STMN1: variants seen among roughly 807,000 people sequenced by gnomAD.
STMN1 encodes the protein stathmin 1, also known as stathmin.
Under a neutral mutation model 19.7 loss-of-function variants are expected in STMN1, and 3 were observed. The ratio of observed to expected loss-of-function variants is 0.15; its 90% CI spans 0.07 to 0.39. STMN1 has a LOEUF of 0.39. Among genes scored for constraint, STMN1 ranks in the 10% least tolerant of loss-of-function variants. The pLI is 1.00. For missense variants in STMN1, 99 were observed against 176.0 expected (o/e 0.56, Z 2.48); for synonymous variants, 59 against 58.9 (o/e 1.00, Z -0.01).
At chr1:25,892,577 G>A in intron 4 of STMN1, 1 of 984,920 alleles carries the variant, frequency 1.0e-6, no homozygotes, top group Non-Finnish European at 1.2e-6. Context: ...GAGCCGCTGA[G>A]GGTCCCCTCC....
intron 4 of STMN1, among the ~76,000 whole-genome samples, chr1:25,888,112 G>C (rs159524): frequency 0.024 from 3,589 of 152,260 alleles, 121 homozygotes; most frequent in African/African-American, 0.079. Context: ...TGTGTGACTA[G>C]AGCTGCTTTC....
intron 4 of STMN1, 86 bp downstream of exon 4, chr1:25,901,405 C>T (rs2048872580): frequency 6.9e-7 from 1 of 1,451,860 alleles, no homozygotes; most frequent in Non-Finnish European, 9.3e-7. Flanking sequence ...AGACACCAAA[C>T]ACCTTTTATC....
chr1:25,905,497 G>C (rs556799047), intron 1 of STMN1: 14 of 152,202 alleles, frequency 9.2e-5, no homozygotes, highest in African/African-American at 2.9e-4. Context: ...GCCCTGGTCC[G>C]GGCGAGGAAA....
At chr1:25,899,686 G>T (rs997803143), downstream of STMN1, among the ~76,000 whole-genome samples, 6 of 152,178 alleles carry the variant, frequency 3.9e-5, no homozygotes, top group African/African-American at 1.4e-4. Flanking sequence ...TATGTTCTAA[G>T]TGTGCTCTCT....
At chr1:25,884,720 GA>G (rs2048708087), downstream of STMN1, 1 of 148,502 alleles carries the variant, frequency 6.7e-6, no homozygotes, top group South Asian at 2.2e-4. Flanking sequence ...AAAAAAAAGA[GA>G]GAGAGAAATG....
Position 25,906,036 on chromosome 1 carries a change from T to C in STMN1, c.-63+353A>G, listed in dbSNP as rs1030342153. ...GGTCCCTGGGGCACCGCCCCGTCCC[T>C]TCAGACAATGGGGAACCCGGCGGGG... On this transcript the variant is annotated intron_variant, in intron 1 of 4. Transcript: ENST00000455785. The surrounding 1 kb of genome is among the most constrained non-coding windows in gnomAD (Gnocchi z 4.5). The C allele has an allele frequency of 6.6e-6, 1 of 152,106 alleles. No individual in the cohort carries two copies. The highest frequency in any genetic ancestry group is 2.4e-5 in the African/African-American group (1 of 41,372). The allele number at this position is 152,106 out of a possible 1,614,324, so 9.4% of individuals were successfully genotyped here. A position where few individuals can be genotyped will look rare whatever the true frequency, so the allele number is the denominator to read the frequency against.
downstream of STMN1, among the ~76,000 whole-genome samples, chr1:25,895,529 G>T (rs143196722): frequency 1.2e-3 from 183 of 152,324 alleles, 1 homozygote; most frequent in African/African-American, 4.0e-3. Context: ...GCGAAAGACA[G>T]AAGTGGGTGG....
At chr1:25,906,691 C>A (rs2048957738), upstream of STMN1, 2 of 152,510 alleles carry the variant, frequency 1.3e-5, no homozygotes, top group East Asian at 3.9e-4. This position sits in a 1 kb window ranked among gnomAD's most constrained non-coding sequence, Gnocchi z 4.5. Context: ...TGGAAGAGGG[C>A]GTGGCAGTGG....
intron 4 of STMN1, chr1:25,889,208 C>T (rs2048751197): frequency 6.8e-6 from 2 of 295,124 alleles, no homozygotes; most frequent in Non-Finnish European, 6.6e-6. Flanking sequence ...TGCAGTTAGA[C>T]ATGTTTTATT....
Position 25,906,239 on chromosome 1 carries a change from G to A in STMN1, c.-63+150C>T, listed in dbSNP as rs1272820068. The A allele has an allele frequency of 4.6e-5, 7 of 152,104 alleles. No homozygotes were observed. Among genetic ancestry groups the A allele is most frequent in the African/African-American group, 1.7e-4 (7 of 41,374 alleles). The allele number at this position is 152,104 out of a possible 1,614,324, so 9.4% of individuals were successfully genotyped here. A position where few individuals can be genotyped will look rare whatever the true frequency, so the allele number is the denominator to read the frequency against. ...CCGCCCGAGCCACACACAAAGCGGAGCGACCCCCGCCCACCAACCCCTCCG... is the reference window on the plus strand; with the variant it reads ...CCGCCCGAGCCACACACAAAGCGGAACGACCCCCGCCCACCAACCCCTCCG... On this transcript the variant is annotated intron_variant, in intron 1 of 4. Coordinates refer to ENST00000455785, the MANE Select transcript of STMN1 (RefSeq NM_005563.4). This position sits in a 1 kb window ranked among gnomAD's most constrained non-coding sequence, Gnocchi z 4.5.
chr1:25,891,029 G>A (rs1356914967), intron 4 of STMN1, among the ~76,000 whole-genome samples: 2 of 152,084 alleles, frequency 1.3e-5, no homozygotes, highest in Non-Finnish European at 2.9e-5. Context: ...ACTTCACAAG[G>A]TTGTTTTAAG....
At chr1:25,887,563 C>A (rs1439425353) in intron 4 of STMN1, 2 of 255,812 alleles carry the variant, frequency 7.8e-6, no homozygotes, top group South Asian at 5.4e-5. Context: ...ATAAAAATGT[C>A]CTTTATAGTA....
downstream of STMN1, among the ~76,000 whole-genome samples, chr1:25,898,358 C>T (rs561240325): frequency 7.2e-5 from 11 of 152,304 alleles, no homozygotes; most frequent in African/African-American, 2.6e-4. Flanking sequence ...CCACAAAGCC[C>T]TCTGTGGTCA....
chr1:25,904,682 A>C lies in STMN1; in HGVS notation c.-6T>G. 1 of 1,613,982 alleles carries C rather than the reference A, an allele frequency of 6.2e-7. No individual in the cohort carries two copies. Among genetic ancestry groups the C allele is most frequent in the Non-Finnish European group, 8.5e-7 (1 of 1,179,936 alleles). On this transcript the variant is annotated 5_prime_UTR_variant, in exon 2 of 5. Transcript: ENST00000455785. The stretch of plus-strand genomic sequence containing the variant: ...TACCTACCAGAAGAAGCCATGGTGA[A>C]TAGAAGACAAGCGACAGGCAGTGTA...
chr1:25,896,824 G>A (rs1006678765), downstream of STMN1, among the ~76,000 whole-genome samples: 15 of 152,210 alleles, frequency 9.9e-5, no homozygotes, highest in Non-Finnish European at 1.6e-4. Flanking sequence ...GGCAAAAAGG[G>A]AGGAGGCAAG....
downstream of STMN1, among the ~76,000 whole-genome samples, chr1:25,898,153 T>A (rs1049627983): frequency 6.6e-6 from 1 of 152,040 alleles, no homozygotes; most frequent in African/African-American, 2.4e-5. Flanking sequence ...CTGCTTAGAA[T>A]AAAAAAATGG....
intron 4 of STMN1, among the ~76,000 whole-genome samples, chr1:25,893,996 C>T (rs1183217496): frequency 2.0e-5 from 3 of 152,130 alleles, no homozygotes; most frequent in Non-Finnish European, 4.4e-5. Flanking sequence ...CAAACTTGAC[C>T]CAAGCATTAT....
chr1:25,903,870 T>C, intron 2 of STMN1, 57 bp from the exon 3 acceptor site: 6 of 1,511,486 alleles, frequency 4.0e-6, no homozygotes, highest in South Asian at 3.8e-5. Context: ...TCTAATAAAC[T>C]GTACTATAAT....
chr1:25,897,833 C>T (rs377039604), downstream of STMN1, among the ~76,000 whole-genome samples: 15 of 152,286 alleles, frequency 9.8e-5, no homozygotes, highest in East Asian at 7.7e-4. Flanking sequence ...GATGCCTGGA[C>T]GTTAAGTGCT....
Sources: gnomAD v4.1 joint callset for allele counts (sites outside exome capture counted in the v4.1 genomes callset) on GRCh38, gnomAD v4.1.1 for gene constraint, Gnocchi (gnomAD v3.1) non-coding constraint, MANE v1.5 for transcripts, NCBI Gene and HGNC (gene_info 2026-07-23, HGNC 2026-07-21) for gene names.